The following PAN3 variants were observed in gnomAD, a reference collection of about 807,000 sequenced individuals.
PAN3 encodes poly(A) specific ribonuclease subunit PAN3.
In PAN3, 19 loss-of-function variants were observed where a neutral mutation model predicts 96.2. That is an observed-to-expected ratio of 0.20 (90% CI 0.14 to 0.29). The LOEUF (loss-of-function observed/expected upper bound fraction) is 0.29, where lower values mean the gene tolerates loss of function less well. Ranked by LOEUF, PAN3 falls within the 10% of genes least tolerant of loss-of-function variation. The pLI is 1.00. For missense variants in PAN3, 882 were observed against 1,108.1 expected (o/e 0.80, Z 2.90); for synonymous variants, 433 against 406.6 (o/e 1.06, Z -0.78).
intron 1 of PAN3, among the ~76,000 whole-genome samples, chr13:28,166,835 G>C (rs1036182364): frequency 6.6e-6 from 1 of 152,168 alleles, no homozygotes; most frequent in Non-Finnish European, 1.5e-5. Flanking sequence ...CACAGTGGGG[G>C]TAGTCAGGGA....
chr13:28,232,605 AT>A (rs1444286495), intron 6 of PAN3: 1 of 151,960 alleles, frequency 6.6e-6, no homozygotes, highest in African/African-American at 2.4e-5. Context: ...GTTCTGCATT[AT>A]AATATATTTT....
chr13:28,290,682 C>CA (rs1437119055), intron 18 of PAN3, among the ~76,000 whole-genome samples: 2 of 150,738 alleles, frequency 1.3e-5, no homozygotes, highest in Non-Finnish European at 3.0e-5. Flanking sequence ...AACTCTGTAT[C>CA]AAAAAAAGAA....
At chr13:28,287,836 G>A in intron 17 of PAN3, 148 bp from the exon 18 acceptor site, 2 of 614,122 alleles carry the variant, frequency 3.3e-6, no homozygotes, top group Non-Finnish European at 5.2e-6. Context: ...AGTTCAGTTA[G>A]ATTATTTTTT....
chr13:28,273,514 T>C (rs1886803780), intron 14 of PAN3, among the ~76,000 whole-genome samples: 2 of 151,948 alleles, frequency 1.3e-5, no homozygotes, highest in Non-Finnish European at 2.9e-5. Flanking sequence ...GGCAGGAGAA[T>C]CGCTTGAACC....
chr13:28,271,473 C>T (rs891152638), intron 13 of PAN3, among the ~76,000 whole-genome samples: 15 of 152,082 alleles, frequency 9.9e-5, no homozygotes, highest in Admixed American at 5.9e-4. Flanking sequence ...AGTTTACTGT[C>T]GATATGCCGT....
intron 1 of PAN3, among the ~76,000 whole-genome samples, chr13:28,158,276 A>C (rs1486116943): frequency 6.6e-6 from 1 of 152,250 alleles, no homozygotes; most frequent in Non-Finnish European, 1.5e-5. Context: ...CATTCTGGAC[A>C]TACGCCCCAG....
In PAN3 at chr13:28,208,922, T is replaced by G. The variant is rs527795388; in HGVS notation, c.853-11309T>G. 2.4e-3 allele frequency among the ~76,000 whole-genome samples: 367 copies of G among 152,300 alleles called. 3 individuals are homozygous for G. Among genetic ancestry groups the G allele is most frequent in the African/African-American group, 8.2e-3 (339 of 41,552 alleles). ...AATCTTGAACTTTCTTAGAAGTTTT[T>G]TGTAAAAATTATACAGTGGTCCTTC... On this transcript the variant is annotated intron_variant, in intron 5 of 18. Transcript: ENST00000380958.
rs374278658 is a variant in PAN3 at position 28,288,797 on chromosome 13, T to C, written c.2523+675T>C. ...CCCTTCCGAATCATTGTGAGTTATGTTGGGTGTTATCAAATCATTATTAAC... is the reference window on the plus strand; with the variant it reads ...CCCTTCCGAATCATTGTGAGTTATGCTGGGTGTTATCAAATCATTATTAAC... On this transcript the variant is annotated intron_variant, in intron 18 of 18. Coordinates refer to ENST00000380958, the MANE Select transcript of PAN3 (RefSeq NM_175854.8). 1.6e-4 allele frequency among the ~76,000 whole-genome samples: 25 copies of C among 152,222 alleles called. 1 individual carries two copies. Among genetic ancestry groups the C allele is most frequent in the African/African-American group, 6.0e-4 (25 of 41,536 alleles).
chr13:28,163,680 A>G (rs1873165562), intron 1 of PAN3, among the ~76,000 whole-genome samples: 2 of 152,226 alleles, frequency 1.3e-5, no homozygotes. Context: ...GAAATTGATT[A>G]TACTCCAGAT....
chr13:28,251,673 CTT>C (rs1884732118), intron 6 of PAN3, among the ~76,000 whole-genome samples: 1 of 152,192 alleles, frequency 6.6e-6, no homozygotes, highest in African/African-American at 2.4e-5. Flanking sequence ...GTATTTACTG[CTT>C]TTCCAGAGTC....
At chr13:28,267,520 A>G (rs1886285515) in intron 12 of PAN3, 119 bp downstream of exon 12, 4 of 830,994 alleles carry the variant, frequency 4.8e-6, no homozygotes, top group East Asian at 2.7e-5. Flanking sequence ...TAAAGACTCT[A>G]TTACATTTTG....
At chr13:28,155,372 T>C (rs187819056) in intron 1 of PAN3, among the ~76,000 whole-genome samples, 3 of 152,068 alleles carry the variant, frequency 2.0e-5, no homozygotes, top group African/African-American at 7.2e-5. Flanking sequence ...GGTGAATCAC[T>C]TGAGGTCAGG....
intron 18 of PAN3, among the ~76,000 whole-genome samples, chr13:28,289,366 A>G (rs1285081950): frequency 3.3e-5 from 5 of 152,010 alleles, no homozygotes; most frequent in Non-Finnish European, 7.4e-5. Flanking sequence ...TTGACTCCCC[A>G]GGGCTGCAGT....
intron 5 of PAN3, among the ~76,000 whole-genome samples, chr13:28,216,246 T>A (rs1189702163): frequency 1.3e-5 from 2 of 150,214 alleles, no homozygotes; most frequent in Admixed American, 1.3e-4. Context: ...GTATGACCCA[T>A]TTATGTGAAA....
chr13:28,215,371 C>A (rs1219212170), intron 5 of PAN3: 4 of 751,438 alleles, frequency 5.3e-6, no homozygotes, highest in Non-Finnish European at 1.0e-5. Context: ...GTCAACGTTA[C>A]AACTGAAGTC....
chr13:28,282,594 C>T (rs565180488), intron 17 of PAN3, among the ~76,000 whole-genome samples: 7 of 152,286 alleles, frequency 4.6e-5, no homozygotes, highest in South Asian at 2.1e-4. Flanking sequence ...CACACGTGCA[C>T]GCACGTGCAC....
At chr13:28,239,543 G>C in intron 6 of PAN3, 4 of 1,179,996 alleles carry the variant, frequency 3.4e-6, no homozygotes, top group Non-Finnish European at 4.5e-6. Flanking sequence ...CTTATGAGCA[G>C]TAGCTGTTCT....
chr13:28,270,075 A>G (rs1332175747), intron 12 of PAN3, among the ~76,000 whole-genome samples: 2 of 152,220 alleles, frequency 1.3e-5, no homozygotes, highest in African/African-American at 2.4e-5. Flanking sequence ...AGAAAAGAAT[A>G]TAAGGTCATA....
chr13:28,282,913 TAATG>T (rs1473556421), intron 17 of PAN3, among the ~76,000 whole-genome samples: 1 of 150,222 alleles, frequency 6.7e-6, no homozygotes, highest in Non-Finnish European at 1.5e-5. Context: ...TATTTTGACT[TAATG>T]GAGCATGTCC....
Sources: gnomAD v4.1 joint callset for allele counts (sites outside exome capture counted in the v4.1 genomes callset) on GRCh38, gnomAD v4.1.1 for gene constraint, MANE v1.5 for transcripts, NCBI Gene and HGNC (gene_info 2026-07-23, HGNC 2026-07-21) for gene names.